CYP4X1: variants seen among roughly 807,000 people sequenced by gnomAD.
CYP4X1 encodes cytochrome P450 4X1.
Under a neutral mutation model 57.9 loss-of-function variants are expected in CYP4X1, and 44 were observed. That is an observed-to-expected ratio of 0.76 (90% CI 0.60 to 0.98). The LOEUF (loss-of-function observed/expected upper bound fraction) is 0.98, where lower values mean the gene tolerates loss of function less well. Among genes scored for constraint, CYP4X1 ranks in the 50% least tolerant of loss-of-function variants. CYP4X1 has a pLI of 0.00. For missense variants in CYP4X1, 532 were observed against 623.9 expected (o/e 0.85, Z 1.57); for synonymous variants, 227 against 228.6 (o/e 0.99, Z 0.06).
rs868739263 is a variant in CYP4X1 at position 47,049,439 on chromosome 1, G to A, written c.1290G>A (p.Arg430=). 1 of 1,614,008 alleles carries A rather than the reference G, an allele frequency of 6.2e-7. No homozygotes were observed. The highest frequency in any genetic ancestry group is 8.5e-7 in the Non-Finnish European group (1 of 1,179,960). Reference sequence around the variant, plus strand: ...CATTTCAGGTCTTTGACCCCTTGAGGTTCTCTCAGGAGAATTCTGATCAGA... The same window carrying A: ...CATTTCAGGTCTTTGACCCCTTGAGATTCTCTCAGGAGAATTCTGATCAGA... ...WKNPKVFDPL[R]FSQENSDQRH... The change falls in exon 11 of 12, where the codon AGG becomes AGA. Residue 430 remains arginine, a synonymous_variant. Coordinates refer to ENST00000371901, the MANE Select transcript of CYP4X1 (RefSeq NM_178033.2).
At chr1:47,034,466 T>C (rs1393363356) in intron 4 of CYP4X1, among the ~76,000 whole-genome samples, 1 of 152,204 alleles carries the variant, frequency 6.6e-6, no homozygotes, top group African/African-American at 2.4e-5. Context: ...TAATACACTT[T>C]CATCATAGAC....
the CYP4X1 span, among the ~76,000 whole-genome samples, chr1:47,014,550 G>T: frequency 2.0e-5 from 3 of 152,090 alleles, no homozygotes; most frequent in Non-Finnish European, 1.5e-5. Flanking sequence ...ACTTTATTTT[G>T]ATTTCTGTTT....
the CYP4X1 span, among the ~76,000 whole-genome samples, chr1:46,974,901 C>T: frequency 6.6e-6 from 1 of 151,728 alleles, no homozygotes; most frequent in Non-Finnish European, 1.5e-5. Flanking sequence ...ATAAAAATTG[C>T]CACTCTGTGC....
At chr1:46,974,242 G>A in the CYP4X1 span, among the ~76,000 whole-genome samples, 7 of 151,870 alleles carry the variant, frequency 4.6e-5, no homozygotes, top group African/African-American at 1.7e-4. Flanking sequence ...AGTTTTTTTG[G>A]TATTCACTTC....
At chr1:47,039,653 T>A in intron 8 of CYP4X1, 121 bp downstream of exon 8, 1 of 600,698 alleles carries the variant, frequency 1.7e-6, no homozygotes, top group Non-Finnish European at 2.6e-6. Context: ...ACAGAAGAAG[T>A]AGGCTACTTT....
intron 8 of CYP4X1, 24 bp downstream of exon 8, chr1:47,039,556 T>C (rs778175064): frequency 4.5e-6 from 7 of 1,552,098 alleles, no homozygotes; most frequent in Non-Finnish European, 5.2e-6. Context: ...CCCTAAATTT[T>C]CCTGCTAGTT....
At chr1:47,021,808 T>A (rs1348867255), upstream of CYP4X1, among the ~76,000 whole-genome samples, 1 of 151,820 alleles carries the variant, frequency 6.6e-6, no homozygotes, top group Non-Finnish European at 1.5e-5. Flanking sequence ...TGGGTGGGAG[T>A]AGGTGAGCCA....
At chr1:47,032,265 G>T (rs1405769637) in intron 3 of CYP4X1, among the ~76,000 whole-genome samples, 1 of 152,072 alleles carries the variant, frequency 6.6e-6, no homozygotes, top group East Asian at 1.9e-4. Flanking sequence ...TGTTAAACAA[G>T]ACATGAATGA....
At chr1:47,043,359 T>C (rs750387437) in intron 8 of CYP4X1, among the ~76,000 whole-genome samples, 22 of 152,192 alleles carry the variant, frequency 1.4e-4, no homozygotes, top group Non-Finnish European at 2.9e-4. Context: ...TATTAGACCT[T>C]TGTTGGATGT....
the CYP4X1 span, among the ~76,000 whole-genome samples, chr1:47,012,785 T>C: frequency 6.6e-6 from 1 of 152,208 alleles, no homozygotes; most frequent in Non-Finnish European, 1.5e-5. Context: ...ATAAAAGATA[T>C]GTAAAAGTGA....
At chr1:47,003,797 T>A in the CYP4X1 span, among the ~76,000 whole-genome samples, 1 of 152,150 alleles carries the variant, frequency 6.6e-6, no homozygotes, top group East Asian at 1.9e-4. Flanking sequence ...AACAATAGGA[T>A]ATTTCAACAT....
chr1:46,966,520 G>T, the CYP4X1 span, among the ~76,000 whole-genome samples: 1 of 152,004 alleles, frequency 6.6e-6, no homozygotes, highest in Admixed American at 6.5e-5. Context: ...TGGGGGTTGG[G>T]GTTTCTTTGG....
chr1:46,988,300 T>C, the CYP4X1 span, among the ~76,000 whole-genome samples: 1 of 152,022 alleles, frequency 6.6e-6, no homozygotes, highest in Non-Finnish European at 1.5e-5. Flanking sequence ...AATAGATAAA[T>C]TCCTGGACAC....
chr1:47,054,838 C>T (rs1644383408), downstream of CYP4X1, among the ~76,000 whole-genome samples: 1 of 152,180 alleles, frequency 6.6e-6, no homozygotes, highest in South Asian at 2.1e-4. Context: ...ATGGGGTTTT[C>T]TCAATATACA....
intron 1 of CYP4X1, among the ~76,000 whole-genome samples, chr1:47,024,406 C>A (rs183665344): frequency 8.7e-4 from 133 of 152,244 alleles, no homozygotes; most frequent in African/African-American, 3.2e-3. Flanking sequence ...CACCCTTAGT[C>A]CATTTTAACA....
the CYP4X1 span, among the ~76,000 whole-genome samples, chr1:46,971,033 T>C: frequency 6.6e-5 from 10 of 152,308 alleles, no homozygotes; most frequent in Non-Finnish European, 8.8e-5. Context: ...GTCACCCAGA[T>C]AAAAAGCATT....
chr1:47,053,224 A>G (rs973741336), downstream of CYP4X1, among the ~76,000 whole-genome samples: 3 of 152,226 alleles, frequency 2.0e-5, no homozygotes, highest in East Asian at 3.9e-4. Context: ...AGCTTCATCC[A>G]TGTCCCTACA....
the CYP4X1 span, among the ~76,000 whole-genome samples, chr1:47,000,125 T>C: frequency 6.6e-6 from 1 of 152,114 alleles, no homozygotes; most frequent in Admixed American, 6.5e-5. Context: ...GTTTCCTCCA[T>C]GCTGTTCTCA....
At chr1:46,978,310 A>AT in the CYP4X1 span, among the ~76,000 whole-genome samples, 2 of 152,112 alleles carry the variant, frequency 1.3e-5, no homozygotes, top group African/African-American at 4.8e-5. Flanking sequence ...AGCAAAAAAA[A>AT]GGCAGGGGTT....
Sources: gnomAD v4.1 joint callset for allele counts (sites outside exome capture counted in the v4.1 genomes callset) on GRCh38, gnomAD v4.1.1 for gene constraint, MANE v1.5 for transcripts, NCBI Gene and HGNC (gene_info 2026-07-23, HGNC 2026-07-21) for gene names.